GOLGA4: variants seen among roughly 807,000 people sequenced by gnomAD.
GOLGA4 encodes the protein golgin A4.
In GOLGA4, 169 loss-of-function variants were observed where a neutral mutation model predicts 265.9. That is an observed-to-expected ratio of 0.64 (90% confidence interval 0.56 to 0.72). GOLGA4 has a LOEUF of 0.72. Ranked by LOEUF, GOLGA4 falls within the 30% of genes least tolerant of loss-of-function variation. The probability of loss-of-function intolerance (pLI) is 0.00; values close to 1 mark genes in which losing one functional copy is unlikely to be tolerated. For synonymous variants in GOLGA4, 923 were observed against 855.8 expected (o/e 1.08, Z -1.37); for missense variants, 2,482 against 2,483.4 (o/e 1.00, Z 0.01).
chr3:37,351,611 A>G lies in GOLGA4; in HGVS notation c.6577-3490A>G, dbSNP rs374547315. 7.2e-5 allele frequency among the ~76,000 whole-genome samples: 11 copies of G among 152,302 alleles called. No homozygotes were observed. The South Asian group carries it at 2.1e-3, about 29-fold the overall frequency. ...ACTTGAAAGTTGGAATTACTTCTTG[A>G]TCCATGGACTGCAAAATGGATGTTG... On this transcript the variant is annotated intron_variant, in intron 21 of 23. Coordinates refer to ENST00000361924, the MANE Select transcript of GOLGA4 (RefSeq NM_002078.5).
At chr3:37,329,146 T>C in intron 16 of GOLGA4, 53 bp downstream of exon 16, 1 of 1,419,202 alleles carries the variant, frequency 7.0e-7, no homozygotes, top group African/African-American at 1.5e-5. Context: ...GTAATAGATT[T>C]CATGGTAGTG....
intron 18 of GOLGA4, among the ~76,000 whole-genome samples, 194 bp downstream of exon 18, chr3:37,337,357 C>T (rs1296121105): frequency 6.6e-6 from 1 of 151,846 alleles, no homozygotes; most frequent in African/African-American, 2.4e-5. Context: ...TGCCACCACG[C>T]CCGGCCAATT....
intron 2 of GOLGA4, among the ~76,000 whole-genome samples, chr3:37,269,809 T>C (rs897772190): frequency 2.0e-5 from 3 of 151,914 alleles, no homozygotes; most frequent in African/African-American, 7.3e-5. Context: ...AATTGAAATA[T>C]ATATATGAGG....
At chr3:37,299,152 C>T (rs768724962) in intron 8 of GOLGA4, 132 bp downstream of exon 8, 2 of 924,794 alleles carry the variant, frequency 2.2e-6, no homozygotes, top group African/African-American at 1.7e-5. Flanking sequence ...GCCTACATAA[C>T]ACCAAACCTT....
intron 7 of GOLGA4, 108 bp downstream of exon 7, chr3:37,296,327 C>T: frequency 1.8e-6 from 2 of 1,092,258 alleles, no homozygotes; most frequent in Non-Finnish European, 1.3e-6. Context: ...GGGAGGATCG[C>T]TTGAGTTCAG....
At position 37,306,443 on chromosome 3, in the gene GOLGA4, G is replaced by A. The variant is rs557357936; in HGVS notation, c.1234+4111G>A. On this transcript the variant is annotated intron_variant, in intron 10 of 23. Transcript: ENST00000361924. ...CTCTCCAGGAAATTATATCCTCAGT[G>A]TAGCACCAGTGTAGAATGTTAATGC... 3.9e-5 allele frequency among the ~76,000 whole-genome samples: 6 copies of A among 151,922 alleles called. No homozygotes were observed. The East Asian group carries it at 9.6e-4, about 24-fold the overall frequency.
At position 37,288,223 on chromosome 3, in the gene GOLGA4, T is replaced by G. The variant is rs2096855141; in HGVS notation, c.526-1012T>G. Among the ~76,000 whole-genome samples, 8 of 149,194 alleles carry G rather than the reference T, an allele frequency of 5.4e-5. No individual in the cohort carries two copies. In the South Asian group the frequency reaches 1.7e-3, roughly 32 times the overall value. On this transcript the variant is annotated intron_variant, in intron 4 of 23. Transcript: ENST00000361924. Reference sequence around the variant, plus strand: ...TTCAAGCGATTCTCCTGCCTCAGCCTCCTGAGTAGCTGGGACTACAGGCAC... The same window carrying G: ...TTCAAGCGATTCTCCTGCCTCAGCCGCCTGAGTAGCTGGGACTACAGGCAC...
chr3:37,349,306 C>T (rs1044520144), intron 21 of GOLGA4, among the ~76,000 whole-genome samples: 11 of 152,106 alleles, frequency 7.2e-5, no homozygotes, highest in Non-Finnish European at 8.8e-5. Context: ...ATGATGAATG[C>T]AGTAAGTGCT....
rs2096886940 is a variant in GOLGA4 at position 37,299,320 on chromosome 3, C to T, written c.1035C>T (p.Ile345=). The T allele has an allele frequency of 6.2e-7, 1 of 1,612,974 alleles. No individual in the cohort carries two copies. Among genetic ancestry groups the T allele is most frequent in the Admixed American group, 1.7e-5 (1 of 59,990 alleles). ...ATATGGCCGAGAAGACTAAACTTAT[C>T]ACTCAGTTGCGTGATGCAAAGAACT... ...DLHMAEKTKL[I]TQLRDAKNLI... The change falls in exon 9 of 24, where the codon ATC becomes ATT. Residue 345 remains isoleucine (I), a synonymous_variant. Coordinates refer to ENST00000361924, the MANE Select transcript of GOLGA4 (RefSeq NM_002078.5).
intron 10 of GOLGA4, among the ~76,000 whole-genome samples, chr3:37,307,104 G>A (rs1177242286): frequency 6.6e-6 from 1 of 152,122 alleles, no homozygotes; most frequent in African/African-American, 2.4e-5. Flanking sequence ...CTAGAGTATA[G>A]TAACTTTTGT....
intron 5 of GOLGA4, among the ~76,000 whole-genome samples, chr3:37,291,144 A>G (rs556055485): frequency 6.6e-6 from 1 of 152,324 alleles, no homozygotes; most frequent in Non-Finnish European, 1.5e-5. Context: ...GAGGTTAGGC[A>G]TCAGGTTTTA....
At chr3:37,337,563 T>C in intron 18 of GOLGA4, 103 bp from the exon 19 acceptor site, 1 of 753,534 alleles carries the variant, frequency 1.3e-6, no homozygotes, top group South Asian at 1.5e-5. Context: ...TGTTATAAGT[T>C]AAAACTTAAA....
Position 37,326,509 on chromosome 3 carries a change from A to ATATT in GOLGA4, c.4623_4624insTATT (p.Glu1542TyrfsTer2). ...ATATTACCCAGAAAACTATTGAAAT[A>ATATT]GAGTCCTTAAATGAAGTTCTTAAAA... On this transcript the variant is annotated frameshift_variant, in exon 14 of 24. Coordinates refer to ENST00000361924, the MANE Select transcript of GOLGA4 (RefSeq NM_002078.5). LOFTEE classifies it high-confidence loss of function. 1 of 1,607,102 alleles carries ATATT rather than the reference A, an allele frequency of 6.2e-7. No individual in the cohort carries two copies. The highest frequency in any genetic ancestry group is 8.5e-7 in the Non-Finnish European group (1 of 1,176,414).
chr3:37,359,554 T>C (rs1251193867), intron 22 of GOLGA4, among the ~76,000 whole-genome samples: 1 of 152,174 alleles, frequency 6.6e-6, no homozygotes, highest in African/African-American at 2.4e-5. Flanking sequence ...TTGGCTTGTT[T>C]GTGTTCTCTG....
intron 10 of GOLGA4, among the ~76,000 whole-genome samples, chr3:37,310,714 TTAA>T (rs2150909018): frequency 6.6e-6 from 1 of 152,164 alleles, no homozygotes; most frequent in East Asian, 1.9e-4. Flanking sequence ...AAAAGTATTT[TTAA>T]AGTGTGTGTG....
intron 2 of GOLGA4, among the ~76,000 whole-genome samples, chr3:37,270,559 A>G (rs2096795939): frequency 6.6e-6 from 1 of 152,062 alleles, no homozygotes; most frequent in African/African-American, 2.4e-5. Flanking sequence ...GTGTCAAGTC[A>G]TTTACTTAAA....
chr3:37,316,759 A>G (rs1297561443), intron 11 of GOLGA4, among the ~76,000 whole-genome samples: 4 of 151,882 alleles, frequency 2.6e-5, no homozygotes, highest in Non-Finnish European at 4.4e-5. Flanking sequence ...TTTTGAGTAT[A>G]TTTCCCAGAG....
chr3:37,293,332 A>G (rs1322851903), intron 5 of GOLGA4, among the ~76,000 whole-genome samples: 1 of 151,992 alleles, frequency 6.6e-6, no homozygotes, highest in Non-Finnish European at 1.5e-5. Context: ...CTCATCAGCT[A>G]TTGTTAATGT....
intron 2 of GOLGA4, chr3:37,275,641 C>G: frequency 6.3e-7 from 1 of 1,599,046 alleles, no homozygotes; most frequent in South Asian, 1.1e-5. Flanking sequence ...GCTCCAGCTT[C>G]GCCCACTTCC....
Sources: allele counts gnomAD v4.1 joint callset (sites outside exome capture counted in the v4.1 genomes callset), GRCh38; gene constraint gnomAD v4.1.1; transcripts MANE v1.5; gene names NCBI Gene and HGNC (gene_info 2026-07-23, HGNC 2026-07-21).